Variants in ANO4 observed in about 807,000 individuals in gnomAD.
ANO4 encodes the protein anoctamin-4.
ANO4 carries 69 observed loss-of-function variants against 141.9 expected under a neutral mutation model. That is an observed-to-expected ratio of 0.49 (90% CI 0.40 to 0.59). The LOEUF (loss-of-function observed/expected upper bound fraction) is 0.59, where lower values mean the gene tolerates loss of function less well. Among genes scored for constraint, ANO4 ranks in the 20% least tolerant of loss-of-function variants. The pLI is 0.00. For synonymous variants in ANO4, 350 were observed against 394.3 expected, an observed-to-expected ratio of 0.89 and a Z score of 1.33; for missense variants, 894 against 1,162.2, an observed-to-expected ratio of 0.77 and a Z score of 3.36.
intron 1 of ANO4, among the ~76,000 whole-genome samples, chr12:100,864,153 C>T (rs541887560): frequency 6.6e-5 from 10 of 152,232 alleles, no homozygotes; most frequent in African/African-American, 2.4e-4. Flanking sequence ...AAATATGACT[C>T]TAACAATGTC....
intron 3 of ANO4, among the ~76,000 whole-genome samples, chr12:100,784,429 TCTC>T (rs1157571665): frequency 6.6e-6 from 1 of 152,172 alleles, no homozygotes; most frequent in African/African-American, 2.4e-5. Context: ...AGTATTTCCT[TCTC>T]CTTTTCTCCA....
At chr12:100,951,428 C>T (rs927212042) in intron 5 of ANO4, among the ~76,000 whole-genome samples, 1 of 152,170 alleles carries the variant, frequency 6.6e-6, no homozygotes, top group Non-Finnish European at 1.5e-5. Context: ...GACATGTAAT[C>T]CACCTAAATG....
intron 3 of ANO4, among the ~76,000 whole-genome samples, chr12:100,743,281 A>G (rs1330610365): frequency 1.3e-5 from 2 of 150,596 alleles, no homozygotes; most frequent in East Asian, 1.9e-4. Flanking sequence ...TAAAATATAT[A>G]TCTAAAATAT....
chr12:101,053,164 G>T (rs2047942767), intron 14 of ANO4, among the ~76,000 whole-genome samples: 1 of 152,152 alleles, frequency 6.6e-6, no homozygotes, highest in South Asian at 2.1e-4. Context: ...GCCAATGAGG[G>T]TTTATGTAGT....
At chr12:100,748,919 G>A (rs893149022) in intron 3 of ANO4, among the ~76,000 whole-genome samples, 5 of 152,016 alleles carry the variant, frequency 3.3e-5, no homozygotes, top group Admixed American at 6.6e-5. Flanking sequence ...TAAATTTTCC[G>A]GTTTGGTTTA....
At chr12:100,831,313 C>T (rs1862721412) in intron 1 of ANO4, among the ~76,000 whole-genome samples, 1 of 152,098 alleles carries the variant, frequency 6.6e-6, no homozygotes, top group Non-Finnish European at 1.5e-5. Context: ...CTGGAGAGGA[C>T]TCCTCCCCTG....
At chr12:100,758,941 C>T (rs1428848820) in intron 3 of ANO4, among the ~76,000 whole-genome samples, 2 of 152,110 alleles carry the variant, frequency 1.3e-5, no homozygotes, top group Non-Finnish European at 2.9e-5. Context: ...TATACAAACA[C>T]CTGTCATTGG....
chr12:101,028,154 C>T (rs372004220), intron 9 of ANO4, among the ~76,000 whole-genome samples: 4 of 152,128 alleles, frequency 2.6e-5, no homozygotes, highest in African/African-American at 9.7e-5. Context: ...AAAAGAAGTC[C>T]TCACAAAAAC....
chr12:101,086,584 G>A (rs938556256), intron 16 of ANO4, 76 bp from the exon 17 acceptor site: 24 of 1,539,796 alleles, frequency 1.6e-5, no homozygotes, highest in Non-Finnish European at 2.0e-5. Flanking sequence ...CCCATCAGAG[G>A]ATGTTCCAGG....
chr12:100,765,708 T>C (rs1169578619), intron 3 of ANO4, among the ~76,000 whole-genome samples: 2 of 150,342 alleles, frequency 1.3e-5, no homozygotes, highest in Admixed American at 6.6e-5. Context: ...AAAAAAAGAG[T>C]TCTTAGATTG....
At position 100,969,080 on chromosome 12, in the gene ANO4, C is replaced by T. The variant is rs1228702444; in HGVS notation, c.457-2226C>T. Among the ~76,000 whole-genome samples, 4 of 152,206 alleles carry T rather than the reference C, an allele frequency of 2.6e-5. No homozygotes were observed. In the East Asian group the frequency reaches 7.7e-4, roughly 29 times the overall value. On this transcript the variant is annotated intron_variant, in intron 5 of 27. Coordinates refer to ENST00000392977, the MANE Select transcript of ANO4 (RefSeq NM_001286615.2). The stretch of plus-strand genomic sequence containing the variant: ...CTCATTTGCAGTAACCTGCAGTGTT[C>T]ACTCTAAGAGTCACTTCATTGACAG...
At position 100,997,073 on chromosome 12, in the gene ANO4, C is replaced by G. The variant is rs148618470; in HGVS notation, c.734+9403C>G. ...CTTTTCAGCTGGGTGTGGTGGCTCA[C>G]GCCTGTAATCCCAGCACTTTGGGAG... On this transcript the variant is annotated intron_variant, in intron 8 of 27. Coordinates refer to ENST00000392977, the MANE Select transcript of ANO4 (RefSeq NM_001286615.2). 2.9e-3 allele frequency among the ~76,000 whole-genome samples: 445 copies of G among 152,048 alleles called. 3 individuals are homozygous for G. Among genetic ancestry groups the G allele is most frequent in the African/African-American group, 1.0e-2 (413 of 41,460 alleles).
chr12:100,943,482 C>T (rs561000381), intron 5 of ANO4, among the ~76,000 whole-genome samples: 1 of 152,280 alleles, frequency 6.6e-6, no homozygotes, highest in African/African-American at 2.4e-5. Context: ...TACTTGTTAT[C>T]TGATCTTGGG....
intron 1 of ANO4, among the ~76,000 whole-genome samples, chr12:100,726,196 G>A (rs1045931373): frequency 9.2e-5 from 14 of 152,080 alleles, no homozygotes; most frequent in South Asian, 2.1e-4. Context: ...GTGCACTTGG[G>A]ATTTGGGCAT....
intron 1 of ANO4, among the ~76,000 whole-genome samples, chr12:100,820,181 A>AG (rs1183719161): frequency 4.6e-5 from 7 of 151,738 alleles, no homozygotes; most frequent in African/African-American, 7.3e-5. Context: ...TTAGAGCAGA[A>AG]GGGGGGGCCC....
chr12:101,083,891 G>T lies in ANO4; in HGVS notation c.1536+73G>T. On this transcript the variant is annotated intron_variant, in intron 16 of 27. Coordinates refer to ENST00000392977, the MANE Select transcript of ANO4 (RefSeq NM_001286615.2). The stretch of plus-strand genomic sequence containing the variant: ...AGCATAATAACAGTAATCATATTGG[G>T]CATTTGCATTGTTCTACAAAATATT... 9 of 1,321,558 alleles carry T rather than the reference G, an allele frequency of 6.8e-6. No homozygotes were observed. The South Asian group carries it at 1.1e-4, about 16-fold the overall frequency. The allele number at this position is 1,321,558 out of a possible 1,614,324, so 81.9% of individuals were successfully genotyped here.
At chr12:100,976,623 T>C (rs2044207008) in intron 7 of ANO4, among the ~76,000 whole-genome samples, 1 of 152,236 alleles carries the variant, frequency 6.6e-6, no homozygotes, top group Non-Finnish European at 1.5e-5. Context: ...TGGGGAATTT[T>C]CACTTCTAAT....
rs2047718491 is a variant in ANO4 at position 101,048,371 on chromosome 12, GTCT to G, written c.1287_1289del (p.Phe430del). On this transcript the variant is annotated inframe_deletion, in exon 14 of 28. Coordinates refer to ENST00000392977, the MANE Select transcript of ANO4 (RefSeq NM_001286615.2). ...CCACCTTTTTGACAATGGAGCCACT[GTCT>G]TCTTTGCTGTTTTCATGGCAGTCTG... 1 of 1,613,782 alleles carries G rather than the reference GTCT, an allele frequency of 6.2e-7. No homozygotes were observed. The highest frequency in any genetic ancestry group is 8.5e-7 in the Non-Finnish European group (1 of 1,179,780).
rs532329791 is a variant in ANO4, at chr12:100,794,787, G to C, written c.-381G>C. On this transcript the variant is annotated 5_prime_UTR_variant, in exon 1 of 28. Coordinates refer to ENST00000392977, the MANE Select transcript of ANO4 (RefSeq NM_001286615.2). ...AAATCCACCAGGCTGCTTTCACTCC[G>C]GCTCGCTCTCCGGAGAGTCCTGTTC... 3 of 152,284 alleles carry C rather than the reference G, an allele frequency of 2.0e-5. No individual in the cohort carries two copies. Among genetic ancestry groups the C allele is most frequent in the East Asian group, 1.9e-4 (1 of 5,164 alleles). 9.4% of individuals were successfully genotyped at this position (152,284 alleles called of 1,614,324 possible).
Sources: gnomAD v4.1 joint callset for allele counts (sites outside exome capture counted in the v4.1 genomes callset) on GRCh38, gnomAD v4.1.1 for gene constraint, MANE v1.5 for transcripts, NCBI Gene and HGNC (gene_info 2026-07-23, HGNC 2026-07-21) for gene names.